The following EXOC2 variants were observed in gnomAD, a reference collection of about 807,000 sequenced individuals.
EXOC2 encodes SEC5-like 1.
EXOC2 carries 70 observed loss-of-function variants against 131.8 expected under a neutral mutation model. The ratio of observed to expected loss-of-function variants is 0.53; its 90% CI spans 0.44 to 0.65. EXOC2 has a LOEUF of 0.65. Ranked by LOEUF, EXOC2 falls within the 30% of genes least tolerant of loss-of-function variation. EXOC2 has a pLI of 0.00. For synonymous variants in EXOC2, 411 were observed against 398.4 expected, an observed-to-expected ratio of 1.03 and a Z score of -0.38; for missense variants, 923 against 1,108.6, an observed-to-expected ratio of 0.83 and a Z score of 2.38.
At chr6:553,611 A>C (rs1028893650) in intron 21 of EXOC2, among the ~76,000 whole-genome samples, 6 of 152,166 alleles carry the variant, frequency 3.9e-5, no homozygotes, top group Non-Finnish European at 5.9e-5. Flanking sequence ...TAACACTCGG[A>C]AACCACACAG....
At chr6:637,598 T>A (rs915707013) in intron 2 of EXOC2, 103 bp downstream of exon 2, 3 of 828,142 alleles carry the variant, frequency 3.6e-6, no homozygotes, top group Non-Finnish European at 5.7e-6. Context: ...ATCACAAAGA[T>A]GTTTGTTCTA....
Position 649,911 on chromosome 6 carries a change from C to T in EXOC2, c.-43-12050G>A, listed in dbSNP as rs532481364. On this transcript the variant is annotated intron_variant, in intron 1 of 27. Coordinates refer to ENST00000230449, the MANE Select transcript of EXOC2 (RefSeq NM_018303.6). ...GTTTTCTTGCTTCTCAGTAGTCTCC[C>T]TATGAGAAACAATGGAAGATGCTTA... is the stretch of plus-strand genomic sequence containing the variant. Among the ~76,000 whole-genome samples the T allele has an allele frequency of 2.0e-5, 3 of 152,110 alleles. No homozygotes were observed. In the South Asian group the frequency reaches 6.2e-4, roughly 32 times the overall value.
chr6:656,472 C>G lies in EXOC2; in HGVS notation c.-43-18611G>C, dbSNP rs759841851. ...CCTCAGCGTCCTCCAGCGCGGCAGG[C>G]GGATGCTCGCGTCGGAGGCGCGCAG... On this transcript the variant is annotated intron_variant, in intron 1 of 27. Coordinates refer to ENST00000230449, the MANE Select transcript of EXOC2 (RefSeq NM_018303.6). The G allele has an allele frequency of 2.5e-6, 4 of 1,611,330 alleles. No individual in the cohort carries two copies. In the East Asian group the frequency reaches 6.7e-5, roughly 27 times the overall value.
intron 23 of EXOC2, among the ~76,000 whole-genome samples, chr6:507,612 G>C (rs1435110155): frequency 6.6e-6 from 1 of 152,128 alleles, no homozygotes; most frequent in Non-Finnish European, 1.5e-5. Flanking sequence ...CTTTGCATGT[G>C]GGTGCTCGTG....
chr6:642,160 A>T (rs1762385197), intron 1 of EXOC2, among the ~76,000 whole-genome samples: 1 of 152,210 alleles, frequency 6.6e-6, no homozygotes, highest in African/African-American at 2.4e-5. Context: ...CAAGTTTATT[A>T]AATCTTTACC....
Position 486,685 on chromosome 6 carries a change from T to G in EXOC2, c.2761A>C (p.Met921Leu). 2 of 1,614,158 alleles carry G rather than the reference T, an allele frequency of 1.2e-6. No individual in the cohort carries two copies. The highest frequency in any genetic ancestry group is 1.7e-6 in the Non-Finnish European group (2 of 1,179,964). Reference sequence around the variant, plus strand: ...GTGGCAGATATTTATGTTTTCATCATGGTTGAAGAAGCTGCTTGGAAACAG... The same window carrying G: ...GTGGCAGATATTTATGTTTTCATCAGGGTTGAAGAAGCTGCTTGGAAACAG... ...LTCFQAASST[M>L]MKT The change falls in exon 28 of 28, where the codon ATG (methionine) becomes CTG (leucine). Residue 921 changes from methionine (M) to leucine (L), a missense_variant. Met to Leu is a conservative substitution (Grantham distance 15). Coordinates refer to ENST00000230449, the MANE Select transcript of EXOC2 (RefSeq NM_018303.6).
intron 6 of EXOC2, among the ~76,000 whole-genome samples, chr6:615,182 G>GTGTGTGTGTGTGTGTGT (rs1561927678): frequency 2.5e-5 from 3 of 121,030 alleles, no homozygotes; most frequent in Non-Finnish European, 4.9e-5. Context: ...TGTGGGTGTG[G>GTGTGTGTGTGTGTGTGT]GTGTGTGTGT....
At chr6:683,989 G>T (rs1435850217) in intron 1 of EXOC2, among the ~76,000 whole-genome samples, 1 of 152,190 alleles carries the variant, frequency 6.6e-6, no homozygotes, top group African/African-American at 2.4e-5. Flanking sequence ...AGAAACTCTG[G>T]GCACAATTCC....
intron 12 of EXOC2, among the ~76,000 whole-genome samples, chr6:575,376 G>A (rs1194272705): frequency 1.3e-5 from 2 of 152,170 alleles, no homozygotes; most frequent in Non-Finnish European, 2.9e-5. Flanking sequence ...TAAATTAAGT[G>A]AGCACCAGCA....
intron 10 of EXOC2, among the ~76,000 whole-genome samples, chr6:596,506 T>C (rs1258218671): frequency 3.3e-5 from 5 of 150,418 alleles, no homozygotes; most frequent in African/African-American, 2.5e-5. Flanking sequence ...TGGCTGGGTC[T>C]ACAGGCATGC....
At chr6:672,364 C>T (rs781464050) in intron 1 of EXOC2, among the ~76,000 whole-genome samples, 4 of 152,218 alleles carry the variant, frequency 2.6e-5, no homozygotes, top group Admixed American at 6.5e-5. Flanking sequence ...AGCATATAAT[C>T]ATAGTTGTTT....
At chr6:556,080 A>G in intron 18 of EXOC2, 67 bp from the exon 19 acceptor site, 1 of 1,418,822 alleles carries the variant, frequency 7.0e-7, no homozygotes, top group Non-Finnish European at 9.9e-7. Context: ...ATATGAAGTT[A>G]GATATGAACA....
chr6:531,739 T>G (rs1345518854), intron 23 of EXOC2, among the ~76,000 whole-genome samples: 1 of 152,236 alleles, frequency 6.6e-6, no homozygotes, highest in Non-Finnish European at 1.5e-5. Flanking sequence ...TGTACACCCA[T>G]GAAGAACCCG....
intron 23 of EXOC2, among the ~76,000 whole-genome samples, chr6:526,017 A>G (rs1765714280): frequency 6.6e-6 from 1 of 152,258 alleles, no homozygotes; most frequent in Non-Finnish European, 1.5e-5. Context: ...CATATATTAA[A>G]AAATGTTTCA....
chr6:493,788 T>G (rs1308439872), intron 25 of EXOC2, among the ~76,000 whole-genome samples: 1 of 152,220 alleles, frequency 6.6e-6, no homozygotes, highest in Non-Finnish European at 1.5e-5. Context: ...TACACATGTC[T>G]GTCCAGGCCC....
chr6:538,458 C>A (rs1766595842), intron 22 of EXOC2, among the ~76,000 whole-genome samples: 1 of 152,056 alleles, frequency 6.6e-6, no homozygotes, highest in Non-Finnish European at 1.5e-5. Context: ...CATCCTGACA[C>A]TAAGGAAATC....
At chr6:503,489 C>T (rs1014582792) in intron 23 of EXOC2, among the ~76,000 whole-genome samples, 6 of 152,082 alleles carry the variant, frequency 3.9e-5, no homozygotes, top group Admixed American at 2.0e-4. Flanking sequence ...CGCATTTGCC[C>T]TGATGATGTG....
intron 1 of EXOC2, chr6:657,080 CCGGTTG>C (rs1763162988): frequency 4.1e-6 from 3 of 726,036 alleles, no homozygotes; most frequent in Middle Eastern, 4.2e-4. Flanking sequence ...ACTCGGGTTC[CCGGTTG>C]CGGTTGCGGG....
intron 4 of EXOC2, among the ~76,000 whole-genome samples, chr6:625,104 G>A (rs1761489200): frequency 6.6e-6 from 1 of 152,228 alleles, no homozygotes; most frequent in Non-Finnish European, 1.5e-5. Context: ...TGTAAGGTCA[G>A]ATTTAAACCT....
Sources: allele counts gnomAD v4.1 joint callset (sites outside exome capture counted in the v4.1 genomes callset), GRCh38; gene constraint gnomAD v4.1.1; transcripts MANE v1.5; gene names NCBI Gene and HGNC (gene_info 2026-07-23, HGNC 2026-07-21).